Variants in WDR26 observed in about 807,000 individuals in gnomAD.
WDR26 encodes the protein WD repeat domain 26.
In WDR26, 5 loss-of-function variants were observed where a neutral mutation model predicts 84.1. The observed-to-expected ratio is 0.06, with a 90% CI of 0.03 to 0.13. The LOEUF is 0.13. Among genes scored for constraint, WDR26 ranks in the 10% least tolerant of loss-of-function variants. WDR26 has a pLI of 1.00. For synonymous variants in WDR26, 415 were observed against 389.6 expected (o/e 1.07, Z -0.77); for missense variants, 642 against 974.9 (o/e 0.66, Z 4.55).
chr1:224,423,719 G>C (rs1674130480), intron 4 of WDR26, among the ~76,000 whole-genome samples: 1 of 152,218 alleles, frequency 6.6e-6, no homozygotes, highest in East Asian at 1.9e-4. Context: ...CTGCACACCA[G>C]CCTCATACAA....
intron 3 of WDR26, among the ~76,000 whole-genome samples, chr1:224,427,103 CCA>C (rs1491123107): frequency 2.0e-4 from 18 of 91,164 alleles, no homozygotes; most frequent in Admixed American, 2.6e-4. Flanking sequence ...AACTCTGTCT[CCA>C]AAAAAAAAAA....
Position 224,433,835 on chromosome 1 carries a change from T to TGGCTGAGGATGCGGCGGC in WDR26, c.553_570dup (p.Ala185_Ala190dup), listed in dbSNP as rs1558450775. ...GTGGTGGCGGAGGCAGCTGCGACGG[T>TGGCTGAGGATGCGGCGGC]GGCTGAGGATGCGGCGGCCGCCCCG... On this transcript the variant is annotated inframe_insertion, in exon 1 of 14. Transcript: ENST00000414423. 1 of 1,536,692 alleles carries TGGCTGAGGATGCGGCGGC rather than the reference T, an allele frequency of 6.5e-7. No homozygotes were observed. The highest frequency in any genetic ancestry group is 2.4e-5 in the East Asian group (1 of 40,882).
At chr1:224,404,664 A>AT in intron 7 of WDR26, 94 bp from the exon 8 acceptor site, 1 of 1,449,424 alleles carries the variant, frequency 6.9e-7, no homozygotes, top group Admixed American at 2.3e-5. Flanking sequence ...ATGTACTTTG[A>AT]TAATTTAATC....
chr1:224,426,351 C>T (rs115899412), intron 3 of WDR26, among the ~76,000 whole-genome samples: 119 of 151,682 alleles, frequency 7.8e-4, no homozygotes, highest in Non-Finnish European at 1.2e-3. Flanking sequence ...AATAATAAAC[C>T]CTCTCATATA....
At chr1:224,393,122 A>G (rs1167026402) in intron 13 of WDR26, among the ~76,000 whole-genome samples, 1 of 152,164 alleles carries the variant, frequency 6.6e-6, no homozygotes, top group Admixed American at 6.5e-5. Flanking sequence ...CTTCATCCCC[A>G]AGTATCTCAA....
In WDR26 at chr1:224,385,309, C is replaced by T. The variant is rs931875574; in HGVS notation, c.*4526G>A. The T allele has an allele frequency of 6.6e-6, 1 of 152,096 alleles. No homozygotes were observed. Among genetic ancestry groups the T allele is most frequent in the African/African-American group, 2.4e-5 (1 of 41,408 alleles). 9.4% of individuals were successfully genotyped at this position (152,096 alleles called of 1,614,324 possible). On this transcript the variant is annotated 3_prime_UTR_variant, in exon 14 of 14. Transcript: ENST00000414423. ...AACAAAAATTTAAAGACGTTTAATA[C>T]ATTACACATTTATAAAATAAAAGTC...
At chr1:224,420,401 G>T (rs535941913) in intron 4 of WDR26, among the ~76,000 whole-genome samples, 1 of 152,290 alleles carries the variant, frequency 6.6e-6, no homozygotes, top group South Asian at 2.1e-4. Context: ...ATGGAGATTA[G>T]ACCTGGCAAG....
At chr1:224,392,510 T>C (rs147419573) in intron 13 of WDR26, among the ~76,000 whole-genome samples, 41 of 152,316 alleles carry the variant, frequency 2.7e-4, no homozygotes, top group Non-Finnish European at 3.2e-4. Flanking sequence ...TGAATCACAG[T>C]TGCAGATCTA....
At chr1:224,403,771 T>C (rs1673482030) in intron 8 of WDR26, among the ~76,000 whole-genome samples, 1 of 152,190 alleles carries the variant, frequency 6.6e-6, no homozygotes. Context: ...ACCTCTTCTC[T>C]GCTGAAAATA....
chr1:224,401,157 G>A, intron 8 of WDR26, 88 bp from the exon 9 acceptor site: 1 of 1,342,228 alleles, frequency 7.5e-7, no homozygotes, highest in Non-Finnish European at 1.0e-6. Flanking sequence ...GGGATGTCTG[G>A]CTGGTTTCCC....
rs1216038037 is a variant in WDR26 at position 224,385,716 on chromosome 1, A to C, written c.*4119T>G. ...CCCCTCGCCACACACACACATTTTC[A>C]AGGAGCCAATAACATTTTTTTCCAT... is the stretch of plus-strand genomic sequence containing the variant. On this transcript the variant is annotated 3_prime_UTR_variant, in exon 14 of 14. Coordinates refer to ENST00000414423, the MANE Select transcript of WDR26 (RefSeq NM_001379403.1). The C allele has an allele frequency of 6.6e-6, 1 of 152,622 alleles. No homozygotes were observed. The highest frequency in any genetic ancestry group is 1.5e-5 in the Non-Finnish European group (1 of 68,036). The allele number at this position is 152,622 out of a possible 1,614,324, so 9.5% of individuals were successfully genotyped here.
chr1:224,418,495 CTGTACT>C, intron 5 of WDR26, 79 bp from the exon 6 acceptor site: 1 of 1,368,236 alleles, frequency 7.3e-7, no homozygotes, highest in South Asian at 1.5e-5. Context: ...TCATCTTCTG[CTGTACT>C]TGTTCCTACC....
intron 3 of WDR26, chr1:224,429,225 C>A (rs145982231): frequency 1.3e-5 from 2 of 151,198 alleles, no homozygotes; most frequent in African/African-American, 4.9e-5. Flanking sequence ...CGCGCCACTG[C>A]ACTCCAGCCT....
At chr1:224,408,802 T>C (rs544626138) in intron 7 of WDR26, among the ~76,000 whole-genome samples, 18 of 152,290 alleles carry the variant, frequency 1.2e-4, no homozygotes, top group African/African-American at 3.6e-4. Context: ...GTATTATCTA[T>C]TATGTATCAT....
At position 224,431,599 on chromosome 1, in the gene WDR26, A is replaced by T; in HGVS notation, c.823-18T>A. 6.2e-7 allele frequency: 1 copy of T among 1,612,218 alleles called. No homozygotes were observed. Among genetic ancestry groups the T allele is most frequent in the East Asian group, 2.2e-5 (1 of 44,830 alleles). On this transcript the variant is annotated intron_variant, in intron 2 of 13. Coordinates refer to ENST00000414423, the MANE Select transcript of WDR26 (RefSeq NM_001379403.1). ...TTTTCTGCCTGTAAAAATTGGTATAAAAGAAAAACAGAAATGTCACAAAAT... is the reference window on the plus strand; with the variant it reads ...TTTTCTGCCTGTAAAAATTGGTATATAAGAAAAACAGAAATGTCACAAAAT...
intron 7 of WDR26, among the ~76,000 whole-genome samples, chr1:224,410,276 T>C (rs1194550823): frequency 1.1e-5 from 1 of 89,612 alleles, no homozygotes; most frequent in East Asian, 3.0e-4. Flanking sequence ...AGCGAGACTT[T>C]GTCTCAAAAA....
rs1674559391 is a variant in WDR26, at chr1:224,434,693, C to CGGCGGCGGCGGCGGGCGGCAGCGGA, written c.-313_-289dup. The CGGCGGCGGCGGCGGGCGGCAGCGGA allele has an allele frequency of 1.1e-6, 1 of 914,574 alleles. No homozygotes were observed. The highest frequency in any genetic ancestry group is 1.8e-5 in the African/African-American group (1 of 55,194). The allele number at this position is 914,574 out of a possible 1,614,324, so 56.7% of individuals were successfully genotyped here. A position where few individuals can be genotyped will look rare whatever the true frequency, so the allele number is the denominator to read the frequency against. On this transcript the variant is annotated 5_prime_UTR_variant, in exon 1 of 14. Transcript: ENST00000414423. ...GGCTGAGCCCCGGCAGTGGCTGCGG[C>CGGCGGCGGCGGCGGGCGGCAGCGGA]GGCGGCGGCGGCGGGCGGCAGCGGA...
intron 7 of WDR26, among the ~76,000 whole-genome samples, chr1:224,407,151 A>AAAAAAGAAT: frequency 1.7e-4 from 2 of 11,868 alleles, no homozygotes; most frequent in African/African-American, 3.9e-4. Context: ...AAAAAAAAAA[A>AAAAAAGAAT]ATATATATAT....
intron 7 of WDR26, among the ~76,000 whole-genome samples, chr1:224,406,393 G>A (rs374492681): frequency 6.6e-5 from 10 of 152,120 alleles, no homozygotes; most frequent in African/African-American, 1.9e-4. Context: ...TTTGAGCCTG[G>A]GGGGATGGGG....
Sources: allele counts gnomAD v4.1 joint callset (sites outside exome capture counted in the v4.1 genomes callset), GRCh38; gene constraint gnomAD v4.1.1; transcripts MANE v1.5; gene names NCBI Gene and HGNC (gene_info 2026-07-23, HGNC 2026-07-21).